The following PLA2G4E variants were observed in gnomAD, a reference collection of about 807,000 sequenced individuals.
PLA2G4E encodes the protein phospholipase A2 group IVE.
PLA2G4E carries 84 observed loss-of-function variants against 109.1 expected under a neutral mutation model. That is an observed-to-expected ratio of 0.77 (90% CI 0.65 to 0.92). PLA2G4E has a LOEUF of 0.92. Among genes scored for constraint, PLA2G4E ranks in the 40% least tolerant of loss-of-function variants. The pLI, the probability that PLA2G4E is intolerant of heterozygous loss-of-function variation, is 0.00. For missense variants in PLA2G4E, 1,057 were observed against 1,076.6 expected (o/e 0.98, Z 0.25); for synonymous variants, 469 against 436.1 (o/e 1.08, Z -0.94).
intron 16 of PLA2G4E, 27 bp downstream of exon 16, chr15:41,988,022 C>T (rs2068174613): frequency 1.3e-6 from 2 of 1,537,102 alleles, no homozygotes; most frequent in Admixed American, 1.9e-5. Flanking sequence ...CATCACCCAG[C>T]CATGAGGGAA....
rs540177375 is a variant in PLA2G4E at position 42,009,935 on chromosome 15, A to G, written c.257-2070T>C. The G allele has an allele frequency of 3.6e-5, 7 of 194,252 alleles. No individual in the cohort carries two copies. In the Admixed American group the frequency reaches 4.0e-4, roughly 11 times the overall value. The allele number at this position is 194,252 out of a possible 1,614,324, so 12.0% of individuals were successfully genotyped here. ...AGAGTCCTCTGTTCCTCTCCTGGGG[A>G]GCACCCCTATGCTGCTCTGCAACAA... is the stretch of plus-strand genomic sequence containing the variant. On this transcript the variant is annotated intron_variant, in intron 2 of 19. Transcript: ENST00000399518.
chr15:42,000,366 G>T, intron 7 of PLA2G4E, 84 bp from the exon 8 acceptor site: 1 of 1,329,598 alleles, frequency 7.5e-7, no homozygotes, highest in Non-Finnish European at 1.0e-6. Flanking sequence ...CCTATTTGGA[G>T]GTATCCAGGA....
At chr15:41,998,647 C>T (rs1595563120) in intron 10 of PLA2G4E, 1 of 152,178 alleles carries the variant, frequency 6.6e-6, no homozygotes, top group Non-Finnish European at 1.5e-5. Flanking sequence ...TGCCAAAGAA[C>T]GAGGTTGAGC....
At chr15:42,032,337 A>T (rs1889127003) in intron 1 of PLA2G4E, among the ~76,000 whole-genome samples, 1 of 152,184 alleles carries the variant, frequency 6.6e-6, no homozygotes, top group Non-Finnish European at 1.5e-5. Flanking sequence ...ATAATTCCCC[A>T]TGGGCACCAT....
chr15:42,038,114 A>AT (rs907169276), intron 1 of PLA2G4E, among the ~76,000 whole-genome samples: 1 of 152,192 alleles, frequency 6.6e-6, no homozygotes, highest in African/African-American at 2.4e-5. Context: ...CAAGGTACAC[A>AT]TTTTTTCCCA....
exon 20 of PLA2G4E, chr15:41,983,594 C>T: frequency 1.5e-6 from 1 of 646,066 alleles, no homozygotes; most frequent in Non-Finnish European, 2.6e-6. Flanking sequence ...ACTTTCTCAA[C>T]TTTTTAAAAT....
At chr15:42,049,833 G>C (rs1038804096) in intron 1 of PLA2G4E, among the ~76,000 whole-genome samples, 3 of 152,180 alleles carry the variant, frequency 2.0e-5, no homozygotes, top group Admixed American at 1.3e-4. Flanking sequence ...AAATCACTGA[G>C]AGCCTCCCAG....
At chr15:42,013,694 C>T (rs1362635810) in exon 2 of PLA2G4E, 12 of 1,550,526 alleles carry the variant, frequency 7.7e-6, no homozygotes, top group Non-Finnish European at 9.6e-6. Context: ...CGCATATCAG[C>T]CTGCCGGACA....
chr15:42,027,796 C>T (rs559754706), intron 1 of PLA2G4E, among the ~76,000 whole-genome samples: 1 of 150,850 alleles, frequency 6.6e-6, no homozygotes, highest in African/African-American at 2.4e-5. Context: ...CTTGACCGCA[C>T]TCTGTTTATA....
At chr15:41,984,472 G>C (rs2141019226) in exon 19 of PLA2G4E, 2 of 1,613,836 alleles carry the variant, frequency 1.2e-6, no homozygotes, top group African/African-American at 1.3e-5. Flanking sequence ...TCATTGATGA[G>C]TGGGAAGAAA....
At chr15:42,007,974 G>T in intron 2 of PLA2G4E, 109 bp from the exon 3 acceptor site, 2 of 1,215,196 alleles carry the variant, frequency 1.6e-6, no homozygotes, top group Non-Finnish European at 2.3e-6. Flanking sequence ...CTCAGCTCCA[G>T]TTCCTCTCCT....
At chr15:41,988,273 C>G (rs1049937373) in intron 15 of PLA2G4E, 117 bp from the exon 16 acceptor site, 2 of 709,076 alleles carry the variant, frequency 2.8e-6, no homozygotes, top group Middle Eastern at 4.0e-4. Flanking sequence ...GCTCCACAGG[C>G]GGGACAGACT....
chr15:42,010,046 G>A (rs554923163), intron 2 of PLA2G4E: 3 of 465,302 alleles, frequency 6.4e-6, no homozygotes, highest in South Asian at 5.3e-5. Flanking sequence ...AGAGGTCAGT[G>A]TGTCTCATTG....
At chr15:42,013,878 GCT>G in intron 1 of PLA2G4E, 121 bp from the exon 2 acceptor site, 1 of 404,224 alleles carries the variant, frequency 2.5e-6, no homozygotes, top group East Asian at 4.9e-5. Flanking sequence ...CAACCCCTAG[GCT>G]GGTTTTTTTT....
At chr15:42,014,377 C>G (rs373153011) in intron 1 of PLA2G4E, among the ~76,000 whole-genome samples, 1 of 152,328 alleles carries the variant, frequency 6.6e-6, no homozygotes, top group East Asian at 1.9e-4. Flanking sequence ...AATGTTCCAG[C>G]CCCATGCACA....
At position 42,007,955 on chromosome 15, in the gene PLA2G4E, A is replaced by C; in HGVS notation, c.257-90T>G. 16 of 1,398,514 alleles carry C rather than the reference A, an allele frequency of 1.1e-5. 1 individual carries two copies. In the South Asian group the frequency reaches 2.1e-4, roughly 18 times the overall value. The allele number at this position is 1,398,514 out of a possible 1,614,324, so 86.6% of individuals were successfully genotyped here. On this transcript the variant is annotated intron_variant, in intron 2 of 19. Coordinates refer to ENST00000399518, the Ensembl canonical transcript of PLA2G4E. ...CTTCAGGCAAGCCTCTTCCAGAGCC[A>C]GGCCCCATCTCAGCTCCAGTTCCTC...
rs116755981 is a variant in PLA2G4E, at chr15:42,024,259, A to T, written c.184-10502T>A. ...GCCAAAGCAGCAATCTTGGTACACA[A>T]CTGCTGCTCCAAGTCAAGTGCTCTT... On this transcript the variant is annotated intron_variant, in intron 1 of 19. Coordinates refer to ENST00000399518, the Ensembl canonical transcript of PLA2G4E. 2.0e-3 allele frequency among the ~76,000 whole-genome samples: 301 copies of T among 152,300 alleles called. 2 individuals are homozygous for T. The highest frequency in any genetic ancestry group is 6.9e-3 in the African/African-American group (287 of 41,562).
intron 2 of PLA2G4E, among the ~76,000 whole-genome samples, chr15:42,010,892 G>T (rs948055209): frequency 6.6e-6 from 1 of 152,208 alleles, no homozygotes; most frequent in African/African-American, 2.4e-5. Context: ...GGAAACTTTA[G>T]GAGACTCAGG....
chr15:42,000,390 A>G, intron 7 of PLA2G4E, 108 bp from the exon 8 acceptor site: 1 of 1,030,968 alleles, frequency 9.7e-7, no homozygotes, highest in East Asian at 2.6e-5. Context: ...GTTTAGAATC[A>G]CCTGGGGCAC....
Sources: gnomAD v4.1 joint callset for allele counts (sites outside exome capture counted in the v4.1 genomes callset) on GRCh38, gnomAD v4.1.1 for gene constraint, MANE v1.5 for transcripts, NCBI Gene and HGNC (gene_info 2026-07-23, HGNC 2026-07-21) for gene names.